Variants in ZNF738 observed in about 807,000 individuals in gnomAD.
ZNF738 encodes the protein protein ZNF738.
A neutral mutation model predicts 9.2 loss-of-function variants in ZNF738; 10 were observed. The observed-to-expected ratio is 1.09, with a 90% CI of 0.67 to 1.85. ZNF738 has a LOEUF of 1.85. Among genes scored for constraint, ZNF738 ranks in the 40% most tolerant of loss-of-function variants. The pLI, the probability that ZNF738 is intolerant of heterozygous loss-of-function variation, is 0.00. For missense variants in ZNF738, 346 were observed against 283.6 expected (o/e 1.22, Z -1.58); for synonymous variants, 113 against 94.5 (o/e 1.20, Z -1.14).
In ZNF738 at chr19:21,375,934, A is replaced by G; in HGVS notation, c.289A>G (p.Lys97Glu). Residue 97 changes from lysine (K) to glutamate (E), a missense_variant, in exon 4 of 5, where the codon AAG becomes GAG. Transcript: ENST00000683779. ...GCAAGGAAAAGATCCCTGGAATATG[A>G]AGAGACACAGTATGGTAGCCACACC... ...LEQGKDPWNM[K>E]RHSMVATPPV... The G allele has an allele frequency of 1.3e-6, 1 of 796,104 alleles. No individual in the cohort carries two copies. The highest frequency in any genetic ancestry group is 2.3e-6 in the Non-Finnish European group (1 of 434,368). 49.3% of individuals were successfully genotyped at this position (796,104 alleles called of 1,614,324 possible).
chr19:21,375,586 T>C (rs1359456549), intron 3 of ZNF738, among the ~76,000 whole-genome samples: 1 of 152,188 alleles, frequency 6.6e-6, no homozygotes, highest in African/African-American at 2.4e-5. Flanking sequence ...CCCTTCACTC[T>C]AGAGTAGTGG....
chr19:21,362,082 AATAATAATAATAATG>A (rs1456964659), intron 2 of ZNF738, among the ~76,000 whole-genome samples: 2 of 64,906 alleles, frequency 3.1e-5, no homozygotes, highest in Non-Finnish European at 5.4e-5. Flanking sequence ...AACTCCATCT[AATAATAATAATAATG>A]ATAATAATAA....
At chr19:21,370,764 A>G (rs1408077365) in intron 2 of ZNF738, among the ~76,000 whole-genome samples, 1 of 152,066 alleles carries the variant, frequency 6.6e-6, no homozygotes, top group African/African-American at 2.4e-5. Context: ...CTCTTCTTTG[A>G]CTGTACTCGG....
chr19:21,380,159 A>G (rs1599719647), intron 4 of ZNF738, among the ~76,000 whole-genome samples: 2 of 152,222 alleles, frequency 1.3e-5, no homozygotes, highest in Non-Finnish European at 2.9e-5. Context: ...TTCCAAAAAC[A>G]TAATTCTGGG....
chr19:21,373,722 T>C (rs1973886577), intron 2 of ZNF738, among the ~76,000 whole-genome samples: 1 of 151,820 alleles, frequency 6.6e-6, no homozygotes, highest in Non-Finnish European at 1.5e-5. Flanking sequence ...GTGTAACTTC[T>C]CCAGAGAATG....
intron 4 of ZNF738, chr19:21,382,069 T>TTC (rs1974013785): frequency 2.1e-5 from 3 of 146,068 alleles, no homozygotes; most frequent in Admixed American, 7.0e-5. Flanking sequence ...TTTCTTTCTT[T>TTC]TTTTTTTTTT....
chr19:21,360,836 CT>C (rs71176860), intron 1 of ZNF738, among the ~76,000 whole-genome samples: 2 of 148,442 alleles, frequency 1.3e-5, no homozygotes, highest in African/African-American at 2.5e-5. Context: ...TTTTTCTTTT[CT>C]TTTTTTTTTG....
intron 2 of ZNF738, among the ~76,000 whole-genome samples, chr19:21,365,362 A>G (rs1238469369): frequency 6.6e-6 from 1 of 152,092 alleles, no homozygotes; most frequent in African/African-American, 2.4e-5. Context: ...AGTAGGTTTC[A>G]GCCCTATTTT....
At chr19:21,377,989 A>G (rs1973954383) in intron 4 of ZNF738, 3 of 396,304 alleles carry the variant, frequency 7.6e-6, no homozygotes, top group Non-Finnish European at 1.3e-5. Context: ...CTTCTTTCTT[A>G]TGTTGTTTTC....
chr19:21,364,728 T>C (rs1404627966), intron 2 of ZNF738, among the ~76,000 whole-genome samples: 1 of 136,716 alleles, frequency 7.3e-6, no homozygotes, highest in African/African-American at 2.7e-5. Flanking sequence ...TGGTTGCCCA[T>C]TTTATGGTTC....
chr19:21,373,072 C>A (rs2562435), intron 2 of ZNF738, among the ~76,000 whole-genome samples: 2 of 152,160 alleles, frequency 1.3e-5, no homozygotes, highest in Non-Finnish European at 2.9e-5. Context: ...AGCATTGACA[C>A]GGGACTTGTT....
In ZNF738 at chr19:21,386,251, A is replaced by G. The variant is rs1244745512; in HGVS notation, c.*2577A>G. 4.9e-5 allele frequency: 14 copies of G among 286,974 alleles called. No homozygotes were observed. Among genetic ancestry groups the G allele is most frequent in the Non-Finnish European group, 9.2e-5 (13 of 140,630 alleles). The allele number at this position is 286,974 out of a possible 1,614,324, so 17.8% of individuals were successfully genotyped here. A position where few individuals can be genotyped will look rare whatever the true frequency, so the allele number is the denominator to read the frequency against. The stretch of plus-strand genomic sequence containing the variant: ...ACATAAGATAATTTATACTGTGGAG[A>G]AGCCTTACAAATGTGAAAAATGTAG... On this transcript the variant is annotated 3_prime_UTR_variant, in exon 5 of 5. Transcript: ENST00000683779.
Position 21,387,345 on chromosome 19 carries a change from C to T in ZNF738, c.*3671C>T, listed in dbSNP as rs568585137. On this transcript the variant is annotated 3_prime_UTR_variant, in exon 5 of 5. Coordinates refer to ENST00000683779, the MANE Select transcript of ZNF738 (RefSeq NM_001355237.2). Reference sequence around the variant, plus strand: ...CTGGGATTACAGGCACCTGCCACCACGCCTGGCTAATTTTTGTACTTTTAG... The same window carrying T: ...CTGGGATTACAGGCACCTGCCACCATGCCTGGCTAATTTTTGTACTTTTAG... 3.3e-5 allele frequency among the ~76,000 whole-genome samples: 5 copies of T among 152,248 alleles called. No individual in the cohort carries two copies. Among genetic ancestry groups the T allele is most frequent in the Non-Finnish European group, 7.3e-5 (5 of 68,028 alleles).
chr19:21,381,173 C>A (rs902024516), intron 4 of ZNF738: 5 of 1,150,892 alleles, frequency 4.3e-6, no homozygotes, highest in Non-Finnish European at 6.3e-6. Flanking sequence ...AGCACCAAGG[C>A]TTCCAGGAGT....
chr19:21,366,525 A>G (rs1006974747), intron 2 of ZNF738, among the ~76,000 whole-genome samples: 1 of 152,120 alleles, frequency 6.6e-6, no homozygotes. Context: ...TGCCAGGAAA[A>G]TGTTACTAGA....
chr19:21,359,860 G>C (rs1293692321), intron 1 of ZNF738, among the ~76,000 whole-genome samples: 1 of 152,120 alleles, frequency 6.6e-6, no homozygotes, highest in East Asian at 1.9e-4. Context: ...CTGGGCGACA[G>C]AGCGAGACTC....
chr19:21,365,861 G>A (rs1029090690), intron 2 of ZNF738, among the ~76,000 whole-genome samples: 5 of 151,780 alleles, frequency 3.3e-5, no homozygotes, highest in African/African-American at 7.3e-5. Flanking sequence ...GGAGGCTGAG[G>A]CAGGAGAATC....
At chr19:21,363,675 G>A (rs1973731448) in intron 2 of ZNF738, among the ~76,000 whole-genome samples, 1 of 151,830 alleles carries the variant, frequency 6.6e-6, no homozygotes, top group African/African-American at 2.4e-5. Context: ...GATCACCTGA[G>A]GTCAGGAGTT....
chr19:21,384,964 T>C lies in ZNF738; in HGVS notation c.*1290T>C, dbSNP rs2051779245. On this transcript the variant is annotated 3_prime_UTR_variant, in exon 5 of 5. Transcript: ENST00000683779. ...AAACCTTATAACCAGTACTCATACT[T>C]TACTACACATAGGAGAATTCATGCG... is the stretch of plus-strand genomic sequence containing the variant. Among the ~76,000 whole-genome samples, 1 of 152,224 alleles carries C rather than the reference T, an allele frequency of 6.6e-6. No homozygotes were observed.
Sources: allele counts gnomAD v4.1 joint callset (sites outside exome capture counted in the v4.1 genomes callset), GRCh38; gene constraint gnomAD v4.1.1; transcripts MANE v1.5; gene names NCBI Gene and HGNC (gene_info 2026-07-23, HGNC 2026-07-21).